Variants in ARMC2 observed in about 807,000 individuals in gnomAD.
ARMC2 encodes the protein armadillo repeat-containing protein 2.
A neutral mutation model predicts 90.3 loss-of-function variants in ARMC2; 67 were observed. The ratio of observed to expected loss-of-function variants is 0.74; its 90% CI spans 0.61 to 0.91. The LOEUF is 0.91. Among genes scored for constraint, ARMC2 ranks in the 40% least tolerant of loss-of-function variants. ARMC2 has a pLI of 0.00. For synonymous variants in ARMC2, 393 were observed against 393.0 expected, an observed-to-expected ratio of 1.00 and a Z score of 0.00; for missense variants, 920 against 1,030.9, an observed-to-expected ratio of 0.89 and a Z score of 1.47.
intron 1 of ARMC2, among the ~76,000 whole-genome samples, chr6:108,851,052 A>G (rs1449306342): frequency 2.0e-5 from 3 of 152,226 alleles, no homozygotes; most frequent in Non-Finnish European, 4.4e-5. Flanking sequence ...CATCTCTGCC[A>G]GATCACATCA....
At chr6:109,001,379 T>A in the ARMC2 span, 1 of 1,613,886 alleles carries the variant, frequency 6.2e-7, no homozygotes, top group Non-Finnish European at 8.5e-7. Flanking sequence ...TTCTAAATAT[T>A]GTGGGTGGAA....
chr6:108,872,586 G>A (rs987580776), intron 4 of ARMC2, among the ~76,000 whole-genome samples: 2 of 152,182 alleles, frequency 1.3e-5, no homozygotes, highest in Non-Finnish European at 2.9e-5. Flanking sequence ...GGAACAGCCA[G>A]TGGAGCCTGA....
At chr6:109,011,818 A>G in the ARMC2 span, among the ~76,000 whole-genome samples, 1 of 151,958 alleles carries the variant, frequency 6.6e-6, no homozygotes, top group South Asian at 2.1e-4. Flanking sequence ...TTGTAGAGAT[A>G]GGGTCTCATT....
At chr6:108,974,613 A>C (rs1778944554), downstream of ARMC2, 1 of 152,152 alleles carries the variant, frequency 6.6e-6, no homozygotes, top group South Asian at 2.1e-4. Context: ...TAGGATTTCA[A>C]GACCAGCCTG....
the ARMC2 span, among the ~76,000 whole-genome samples, chr6:109,020,053 G>A: frequency 1.3e-5 from 2 of 152,262 alleles, no homozygotes; most frequent in African/African-American, 4.8e-5. Flanking sequence ...GTTCAAATAG[G>A]TCACACTCAA....
intron 10 of ARMC2, among the ~76,000 whole-genome samples, chr6:108,919,111 C>T (rs1174565389): frequency 7.0e-6 from 1 of 142,358 alleles, no homozygotes; most frequent in Non-Finnish European, 1.5e-5. Context: ...CTATTCTTTG[C>T]TTCAAGATTT....
intron 7 of ARMC2, among the ~76,000 whole-genome samples, chr6:108,900,217 T>C (rs1183506789): frequency 6.6e-6 from 1 of 152,242 alleles, no homozygotes; most frequent in Non-Finnish European, 1.5e-5. Flanking sequence ...TTGGTCCAAC[T>C]GGTATCTGTC....
downstream of ARMC2, among the ~76,000 whole-genome samples, chr6:108,975,685 T>C (rs1484801488): frequency 6.6e-6 from 1 of 152,242 alleles, no homozygotes; most frequent in Non-Finnish European, 1.5e-5. Context: ...TGACTTTTAA[T>C]GATTGCCATT....
At chr6:108,946,153 C>G (rs972686244) in intron 12 of ARMC2, among the ~76,000 whole-genome samples, 3 of 152,352 alleles carry the variant, frequency 2.0e-5, no homozygotes, top group Admixed American at 1.3e-4. Context: ...CTGGCTCTTA[C>G]CCCGCTCAGC....
At chr6:108,953,394 T>A in intron 13 of ARMC2, 43 bp downstream of exon 13, 1 of 1,537,098 alleles carries the variant, frequency 6.5e-7, no homozygotes, top group Non-Finnish European at 8.7e-7. Flanking sequence ...ACAACCAACT[T>A]TCCCGCGGCC....
intron 8 of ARMC2, among the ~76,000 whole-genome samples, chr6:108,908,728 G>C (rs1773071804): frequency 6.6e-6 from 1 of 152,052 alleles, no homozygotes; most frequent in Non-Finnish European, 1.5e-5. Context: ...TCCAGCCTGG[G>C]TGAAAGAGCA....
chr6:109,028,189 G>T, the ARMC2 span, among the ~76,000 whole-genome samples: 1 of 152,048 alleles, frequency 6.6e-6, no homozygotes, highest in African/African-American at 2.4e-5. Flanking sequence ...TATAGCTTTA[G>T]GTTTTAATAG....
the ARMC2 span, among the ~76,000 whole-genome samples, chr6:109,044,368 T>G: frequency 9.9e-6 from 1 of 101,076 alleles, no homozygotes; most frequent in South Asian, 3.2e-4. Context: ...GGCAATTCAA[T>G]GGAGAAAGGA....
At chr6:108,936,838 T>C (rs1775995671) in intron 11 of ARMC2, 62 bp from the exon 12 acceptor site, 2 of 1,315,526 alleles carry the variant, frequency 1.5e-6, no homozygotes, top group Admixed American at 4.0e-5. Flanking sequence ...TGATACTATG[T>C]GTACTTGAAT....
intron 8 of ARMC2, among the ~76,000 whole-genome samples, 188 bp from the exon 9 acceptor site, chr6:108,910,711 C>G (rs1262104892): frequency 6.6e-6 from 1 of 152,150 alleles, no homozygotes; most frequent in African/African-American, 2.4e-5. Context: ...TGTGTTTACT[C>G]TAATTGAGTT....
the ARMC2 span, among the ~76,000 whole-genome samples, chr6:108,985,714 G>C: frequency 6.6e-6 from 1 of 152,138 alleles, no homozygotes; most frequent in Non-Finnish European, 1.5e-5. Flanking sequence ...GTATTTTCAA[G>C]AGGAGGAACA....
chr6:108,975,474 A>G (rs1778966165), downstream of ARMC2, among the ~76,000 whole-genome samples: 1 of 152,212 alleles, frequency 6.6e-6, no homozygotes, highest in Non-Finnish European at 1.5e-5. Flanking sequence ...ATACATGTGC[A>G]TGTGTCTTTA....
At chr6:108,858,175 A>C (rs1252195448) in intron 2 of ARMC2, 24 bp from the exon 3 acceptor site, 1 of 1,584,770 alleles carries the variant, frequency 6.3e-7, no homozygotes, top group Admixed American at 1.7e-5. Flanking sequence ...ACAAACTAAC[A>C]CTCTGCACCA....
At chr6:108,857,351 T>G (rs1774744605) in intron 2 of ARMC2, among the ~76,000 whole-genome samples, 2 of 152,360 alleles carry the variant, frequency 1.3e-5, no homozygotes, top group South Asian at 4.1e-4. Flanking sequence ...TGTTTTCATT[T>G]CAGTTTCCAA....
Sources: gnomAD v4.1 joint callset for allele counts (sites outside exome capture counted in the v4.1 genomes callset) on GRCh38, gnomAD v4.1.1 for gene constraint, MANE v1.5 for transcripts, NCBI Gene and HGNC (gene_info 2026-07-23, HGNC 2026-07-21) for gene names.